Variants in ADGRD1 observed in about 807,000 individuals in gnomAD.
The protein encoded by ADGRD1 is G-protein coupled receptor 133.
In ADGRD1, 77 loss-of-function variants were observed where a neutral mutation model predicts 113.4. That is an observed-to-expected ratio of 0.68 (90% CI 0.57 to 0.82). The LOEUF is 0.82. Among genes scored for constraint, ADGRD1 ranks in the 40% least tolerant of loss-of-function variants. The pLI is 0.00. For missense variants in ADGRD1, 1,036 were observed against 1,139.1 expected, an observed-to-expected ratio of 0.91 and a Z score of 1.30; for synonymous variants, 474 against 475.0, an observed-to-expected ratio of 1.00 and a Z score of 0.03.
At chr12:131,085,009 C>T (rs1258284405) in intron 15 of ADGRD1, among the ~76,000 whole-genome samples, 3 of 152,240 alleles carry the variant, frequency 2.0e-5, no homozygotes, top group Non-Finnish European at 2.9e-5. Flanking sequence ...TGCTGGGAGC[C>T]GGGCGCTGGG....
intron 13 of ADGRD1, among the ~76,000 whole-genome samples, chr12:131,062,312 C>G (rs1283252709): frequency 2.0e-5 from 3 of 152,150 alleles, no homozygotes; most frequent in Non-Finnish European, 4.4e-5. Flanking sequence ...TTTGTTTGAC[C>G]ATTTGCCCAC....
At chr12:131,048,257 GCGGA>G (rs1380699599) in intron 13 of ADGRD1, among the ~76,000 whole-genome samples, 1 of 152,236 alleles carries the variant, frequency 6.6e-6, no homozygotes. Context: ...GAATCCAGCA[GCGGA>G]CGGCACGGTG....
chr12:130,994,360 C>T, intron 8 of ADGRD1: 1 of 349,404 alleles, frequency 2.9e-6, no homozygotes, highest in Non-Finnish European at 6.1e-6. Context: ...GCAGTTAGCA[C>T]TTAGTAAACA....
Position 130,954,373 on chromosome 12 carries a change from T to C in ADGRD1, c.-93T>C. ...TTCTCCCCTGGAACCTGTGAAAATG[T>C]CCCTTTTCCAAGGAAGTGAAGGTTA... On this transcript the variant is annotated 5_prime_UTR_variant, in exon 1 of 25. Transcript: ENST00000261654. This position sits in a 1 kb window ranked among gnomAD's most constrained non-coding sequence, Gnocchi z 4.7. 2 of 1,130,120 alleles carry C rather than the reference T, an allele frequency of 1.8e-6. No individual in the cohort carries two copies. The highest frequency in any genetic ancestry group is 1.5e-5 in the South Asian group (1 of 64,518). The allele number at this position is 1,130,120 out of a possible 1,614,324, so 70.0% of individuals were successfully genotyped here.
intron 18 of ADGRD1, among the ~76,000 whole-genome samples, chr12:131,112,458 A>G (rs1423427251): frequency 6.6e-6 from 1 of 152,126 alleles, no homozygotes; most frequent in East Asian, 1.9e-4. Context: ...TGACCCCAGG[A>G]AGGCTCTTCT....
intron 8 of ADGRD1, among the ~76,000 whole-genome samples, chr12:130,999,580 T>G (rs1208940358): frequency 6.6e-6 from 1 of 152,192 alleles, no homozygotes; most frequent in Non-Finnish European, 1.5e-5. Context: ...GAGAGTTCGG[T>G]CAGCCTCTAA....
At chr12:131,116,774 C>G (rs1011017590) in intron 18 of ADGRD1, among the ~76,000 whole-genome samples, 13 of 152,232 alleles carry the variant, frequency 8.5e-5, no homozygotes, top group African/African-American at 3.1e-4. Context: ...CCTTTGCAGT[C>G]TCTCATCTCT....
intron 13 of ADGRD1, among the ~76,000 whole-genome samples, chr12:131,020,183 T>G (rs1464565161): frequency 1.7e-5 from 2 of 120,860 alleles, no homozygotes; most frequent in African/African-American, 6.5e-5. Flanking sequence ...GCGAGCTCCA[T>G]CCAGGGCAGG....
chr12:131,099,365 C>T (rs763563560), intron 15 of ADGRD1, among the ~76,000 whole-genome samples: 6 of 152,190 alleles, frequency 3.9e-5, no homozygotes, highest in Non-Finnish European at 4.4e-5. Flanking sequence ...ACATTTAACA[C>T]AGGTTGCAGG....
intron 13 of ADGRD1, among the ~76,000 whole-genome samples, chr12:131,016,757 G>A (rs1396324935): frequency 2.0e-5 from 3 of 152,210 alleles, no homozygotes; most frequent in Admixed American, 2.0e-4. Context: ...GCCGGGCATG[G>A]TGGCCCGAGC....
At chr12:131,114,840 A>G (rs967769738) in intron 18 of ADGRD1, among the ~76,000 whole-genome samples, 2 of 152,196 alleles carry the variant, frequency 1.3e-5, no homozygotes, top group Admixed American at 6.5e-5. Flanking sequence ...CAAGGAGCCC[A>G]CAAGGTAGCC....
chr12:131,052,192 G>A (rs1883460824), intron 13 of ADGRD1, among the ~76,000 whole-genome samples: 2 of 152,138 alleles, frequency 1.3e-5, no homozygotes, highest in South Asian at 4.1e-4. Flanking sequence ...CCACAAATTG[G>A]AAAAGCTCTG....
chr12:131,002,636 C>G (rs564041645), intron 9 of ADGRD1: 1 of 1,111,080 alleles, frequency 9.0e-7, no homozygotes, highest in South Asian at 1.9e-5. Flanking sequence ...CTACCAGGAT[C>G]CTCTGCTCTG....
chr12:131,051,319 C>G (rs576898142), intron 13 of ADGRD1, among the ~76,000 whole-genome samples: 3 of 152,316 alleles, frequency 2.0e-5, no homozygotes, highest in Non-Finnish European at 4.4e-5. Context: ...TCCTTCTTTT[C>G]TGCTGTTTGA....
At chr12:131,118,578 A>G in intron 19 of ADGRD1, 127 bp downstream of exon 19, 2 of 634,818 alleles carry the variant, frequency 3.2e-6, no homozygotes, top group Admixed American at 2.9e-5. Flanking sequence ...TGGCTCCCAC[A>G]GGCCCAGCCG....
Position 131,139,304 on chromosome 12 carries a change from C to CA in ADGRD1, c.*42dup. 7.3e-7 allele frequency: 1 copy of CA among 1,366,710 alleles called. No homozygotes were observed. The highest frequency in any genetic ancestry group is 1.2e-5 in the South Asian group (1 of 83,142). The allele number at this position is 1,366,710 out of a possible 1,614,324, so 84.7% of individuals were successfully genotyped here. ...ACCAGGCCAGGCTGCGCTCAGAACACACCCCCCCAAACAGAATGAAATGCC... is the reference window on the plus strand; with the variant it reads ...ACCAGGCCAGGCTGCGCTCAGAACACAACCCCCCCAAACAGAATGAAATGCC... On this transcript the variant is annotated 3_prime_UTR_variant, in exon 25 of 25. Coordinates refer to ENST00000261654, the MANE Select transcript of ADGRD1 (RefSeq NM_198827.5).
At chr12:131,018,826 C>T (rs564465043) in intron 13 of ADGRD1, among the ~76,000 whole-genome samples, 1 of 152,308 alleles carries the variant, frequency 6.6e-6, no homozygotes, top group South Asian at 2.1e-4. Context: ...TTTCTCAGTA[C>T]GCTCAGTCAT....
In ADGRD1 at chr12:131,003,614, G is replaced by C. The variant is rs927442299; in HGVS notation, c.1144+312G>C. On this transcript the variant is annotated intron_variant, in intron 10 of 24. Coordinates refer to ENST00000261654, the MANE Select transcript of ADGRD1 (RefSeq NM_198827.5). This position sits in a 1 kb window ranked among gnomAD's most constrained non-coding sequence, Gnocchi z 4.8. Reference sequence around the variant, plus strand: ...CCTGCAAGAGTCTGTGGAATAAAAGGGGTGGCCTCGGGTTTCTGGCGTCAG... The same window carrying C: ...CCTGCAAGAGTCTGTGGAATAAAAGCGGTGGCCTCGGGTTTCTGGCGTCAG... Among the ~76,000 whole-genome samples, 2 of 152,246 alleles carry C rather than the reference G, an allele frequency of 1.3e-5. No individual in the cohort carries two copies. Among genetic ancestry groups the C allele is most frequent in the Non-Finnish European group, 2.9e-5 (2 of 68,048 alleles).
intron 13 of ADGRD1, among the ~76,000 whole-genome samples, chr12:131,064,625 TA>T (rs1264752084): frequency 6.6e-6 from 1 of 152,240 alleles, no homozygotes; most frequent in East Asian, 1.9e-4. Context: ...TGAAACACTG[TA>T]AGGAAAAGTG....
Sources: allele counts gnomAD v4.1 joint callset (sites outside exome capture counted in the v4.1 genomes callset), GRCh38; gene constraint gnomAD v4.1.1; non-coding constraint Gnocchi (gnomAD v3.1); transcripts MANE v1.5; gene names NCBI Gene and HGNC (gene_info 2026-07-23, HGNC 2026-07-21).